SCN2A: variants seen among roughly 807,000 people sequenced by gnomAD.
SCN2A encodes sodium voltage-gated channel alpha subunit 2, also known as sodium channel protein type 2 subunit alpha.
A neutral mutation model predicts 188.7 loss-of-function variants in SCN2A; 20 were observed. That is an observed-to-expected ratio of 0.11 (90% CI 0.07 to 0.15). The LOEUF (loss-of-function observed/expected upper bound fraction) is 0.15, where lower values mean the gene tolerates loss of function less well. SCN2A is among the 10% of genes least tolerant of loss of function. The pLI is 1.00. For missense variants in SCN2A, 1,278 were observed against 2,445.0 expected (o/e 0.52, Z 10.07); for synonymous variants, 804 against 833.1 (o/e 0.97, Z 0.60).
intron 25 of SCN2A, among the ~76,000 whole-genome samples, chr2:165,385,437 G>T (rs149377767): frequency 6.6e-6 from 1 of 152,244 alleles, no homozygotes; most frequent in Non-Finnish European, 1.5e-5. Context: ...AAGACATAAG[G>T]CAATTAGTAC....
chr2:165,385,953 T>G (rs1035972606), intron 25 of SCN2A, among the ~76,000 whole-genome samples: 9 of 152,188 alleles, frequency 5.9e-5, no homozygotes, highest in Non-Finnish European at 8.8e-5. Flanking sequence ...TGGTGTTCTG[T>G]GCACTGAGAA....
intron 1 of SCN2A, among the ~76,000 whole-genome samples, chr2:165,247,014 A>C (rs1442206347): frequency 2.0e-5 from 3 of 152,142 alleles, no homozygotes; most frequent in Non-Finnish European, 1.5e-5. Flanking sequence ...ACAGGTTTCT[A>C]TCACTGCATG....
chr2:165,317,133 T>C (rs1010493040), intron 11 of SCN2A, among the ~76,000 whole-genome samples: 1 of 152,150 alleles, frequency 6.6e-6, no homozygotes, highest in Non-Finnish European at 1.5e-5. Flanking sequence ...TAGGTCAGCC[T>C]TATTCATTTC....
chr2:165,331,610 A>C (rs539052553), intron 14 of SCN2A, 42 bp downstream of exon 14: 7 of 1,462,222 alleles, frequency 4.8e-6, no homozygotes, highest in Non-Finnish European at 6.7e-6. Flanking sequence ...GAAAGAGTTT[A>C]TAATTGCCTT....
At chr2:165,368,338 A>T (rs1700838281) in intron 19 of SCN2A, among the ~76,000 whole-genome samples, 1 of 152,076 alleles carries the variant, frequency 6.6e-6, no homozygotes, top group Admixed American at 6.6e-5. Flanking sequence ...TAGGCACAGG[A>T]TGGGGGCAGG....
chr2:165,300,376 G>A (rs1046779311), intron 3 of SCN2A, among the ~76,000 whole-genome samples: 1 of 152,202 alleles, frequency 6.6e-6, no homozygotes, highest in African/African-American at 2.4e-5. Flanking sequence ...GTGAGTGTGT[G>A]TGTGTGTTTG....
chr2:165,377,914 A>G (rs1447956351), intron 23 of SCN2A, among the ~76,000 whole-genome samples: 3 of 151,900 alleles, frequency 2.0e-5, no homozygotes, highest in Non-Finnish European at 2.9e-5. Context: ...TGTATTTTCA[A>G]AATGAGACAT....
At chr2:165,300,850 A>G (rs2105224248) in intron 3 of SCN2A, among the ~76,000 whole-genome samples, 1 of 152,258 alleles carries the variant, frequency 6.6e-6, no homozygotes, top group East Asian at 1.9e-4. Context: ...TGACTCACAT[A>G]TTTAAAAGAT....
chr2:165,253,673 G>A (rs1054753457), intron 1 of SCN2A, among the ~76,000 whole-genome samples: 2 of 152,072 alleles, frequency 1.3e-5, no homozygotes, highest in South Asian at 2.1e-4. Context: ...TAGAAACTAA[G>A]TTGCAGACTC....
intron 19 of SCN2A, among the ~76,000 whole-genome samples, chr2:165,368,012 T>G (rs931970662): frequency 1.3e-5 from 2 of 152,134 alleles, no homozygotes; most frequent in African/African-American, 4.8e-5. Context: ...TGACAGCCTT[T>G]TGCACCCACA....
chr2:165,241,710 A>G lies in SCN2A; in HGVS notation c.-52+2070A>G, dbSNP rs141263134. On this transcript the variant is annotated intron_variant, in intron 1 of 26. Coordinates refer to ENST00000375437, the MANE Select transcript of SCN2A (RefSeq NM_001040142.2). ...TCAAAATAAGGAATGAAGAAAGATG[A>G]GAAAGTGAATGGGACAGGAATATCA... is the stretch of plus-strand genomic sequence containing the variant. 3.9e-5 allele frequency among the ~76,000 whole-genome samples: 6 copies of G among 152,334 alleles called. No homozygotes were observed. In the East Asian group the frequency reaches 1.2e-3, roughly 29 times the overall value.
chr2:165,241,996 C>A (rs1040452469), intron 1 of SCN2A, among the ~76,000 whole-genome samples: 2 of 151,940 alleles, frequency 1.3e-5, no homozygotes, highest in Non-Finnish European at 2.9e-5. Flanking sequence ...GGTAAATAAC[C>A]CAATCTGTTT....
chr2:165,339,095 C>T (rs1699169033), intron 14 of SCN2A, among the ~76,000 whole-genome samples: 1 of 152,010 alleles, frequency 6.6e-6, no homozygotes, highest in Non-Finnish European at 1.5e-5. Context: ...GTGGCAGGCG[C>T]CTGCAATACC....
chr2:165,358,483 C>A (rs928884593), intron 17 of SCN2A, among the ~76,000 whole-genome samples: 9 of 151,958 alleles, frequency 5.9e-5, no homozygotes, highest in African/African-American at 2.2e-4. Context: ...TAGGAGTTGA[C>A]CAACAGTATT....
chr2:165,375,234 G>C lies in SCN2A; in HGVS notation c.4254+268G>C, dbSNP rs182406572. ...TGTGATCCAACAATTCCATTACTGG[G>C]TATATATACAAAGGAAATTAAATCA... On this transcript the variant is annotated intron_variant, in intron 22 of 26. Coordinates refer to ENST00000375437, the MANE Select transcript of SCN2A (RefSeq NM_001040142.2). 5.3e-5 allele frequency among the ~76,000 whole-genome samples: 8 copies of C among 151,992 alleles called. No homozygotes were observed. In the South Asian group the frequency reaches 1.7e-3, roughly 32 times the overall value.
intron 1 of SCN2A, chr2:165,270,904 C>T (rs2106104793): frequency 6.6e-6 from 1 of 152,176 alleles, no homozygotes; most frequent in East Asian, 1.9e-4. Context: ...TAGTTGCAGT[C>T]TTGCATCTGT....
chr2:165,266,009 A>G (rs1012418630), intron 1 of SCN2A, among the ~76,000 whole-genome samples: 2 of 151,494 alleles, frequency 1.3e-5, no homozygotes, highest in Admixed American at 1.3e-4. Context: ...CTGTTATAAT[A>G]TTTTCTCTAT....
chr2:165,291,763 C>G (rs11885321), intron 1 of SCN2A, among the ~76,000 whole-genome samples: 122,079 of 150,966 alleles, frequency 0.81, 49,564 homozygotes, highest in Non-Finnish European at 0.84. Flanking sequence ...CTCCACTTTT[C>G]AGAAATGCTT....
intron 1 of SCN2A, among the ~76,000 whole-genome samples, chr2:165,240,298 C>A (rs1319949115): frequency 1.3e-5 from 2 of 151,900 alleles, no homozygotes; most frequent in African/African-American, 2.4e-5. Context: ...TTGATTTTTT[C>A]TGTATTTTAT....
Sources: allele counts gnomAD v4.1 joint callset (sites outside exome capture counted in the v4.1 genomes callset), GRCh38; gene constraint gnomAD v4.1.1; transcripts MANE v1.5; gene names NCBI Gene and HGNC (gene_info 2026-07-23, HGNC 2026-07-21).